LRP2: variants seen among roughly 807,000 people sequenced by gnomAD.
The protein encoded by LRP2 is LDL receptor related protein 2, also known as low-density lipoprotein receptor-related protein 2.
A neutral mutation model predicts 531.0 loss-of-function variants in LRP2; 172 were observed. That is an observed-to-expected ratio of 0.32 (90% CI 0.29 to 0.37). The LOEUF (loss-of-function observed/expected upper bound fraction) is 0.37, where lower values mean the gene tolerates loss of function less well. LRP2 is among the 10% of genes least tolerant of loss of function. The pLI is 1.00. For missense variants in LRP2, 5,167 were observed against 5,868.3 expected (o/e 0.88, Z 3.90); for synonymous variants, 1,992 against 2,027.6 (o/e 0.98, Z 0.47).
In LRP2 at chr2:169,185,935, C is replaced by A. The variant is rs35086590; in HGVS notation, c.9413G>T (p.Arg3138Leu). The change falls in exon 50 of 79, where the codon CGT (arginine) becomes CTT (leucine). Residue 3138 changes from arginine to leucine, a missense_variant. Arg to Leu is a moderately radical substitution (Grantham distance 102). Transcript: ENST00000649046. ...GTCAGACATGAGCTTGTAACCAGGA[C>A]GACAGGAACAATAGAAACTGGTTAA... ...DTLTSFYCSC[R>L]PGYKLMSDKR... The A allele has an allele frequency of 3.1e-6, 5 of 1,613,708 alleles. No individual in the cohort carries two copies. In the African/African-American group the frequency reaches 4.0e-5, roughly 13 times the overall value.
At chr2:169,303,574 TTGA>T (rs1391375337) in intron 4 of LRP2, among the ~76,000 whole-genome samples, 2 of 152,206 alleles carry the variant, frequency 1.3e-5, no homozygotes, top group African/African-American at 4.8e-5. Flanking sequence ...TCTAAGGACT[TTGA>T]TCGAGGCCAT....
At chr2:169,257,012 C>A in intron 18 of LRP2, 112 bp downstream of exon 18, 1 of 1,219,272 alleles carries the variant, frequency 8.2e-7, no homozygotes, top group Non-Finnish European at 1.2e-6. Context: ...TTTAAAATTC[C>A]GCGAGGGCAA....
chr2:169,193,002 A>G (rs1687882536), intron 47 of LRP2, among the ~76,000 whole-genome samples: 3 of 152,212 alleles, frequency 2.0e-5, no homozygotes, highest in South Asian at 4.1e-4. Context: ...TAAGATTTCC[A>G]TACCCTGTTG....
chr2:169,289,920 A>C (rs893480076), intron 8 of LRP2, among the ~76,000 whole-genome samples: 23 of 152,296 alleles, frequency 1.5e-4, no homozygotes, highest in African/African-American at 5.5e-4. Context: ...TGCCTGTTTA[A>C]ATATTATGTA....
intron 27 of LRP2, 50 bp from the exon 28 acceptor site, chr2:169,237,337 G>A (rs1296071478): frequency 3.1e-6 from 4 of 1,286,846 alleles, no homozygotes; most frequent in Admixed American, 1.7e-5. Flanking sequence ...ATAAATGAAT[G>A]CAAACATGGA....
At chr2:169,236,569 A>T (rs1238700918) in intron 28 of LRP2, among the ~76,000 whole-genome samples, 2 of 152,238 alleles carry the variant, frequency 1.3e-5, no homozygotes, top group Non-Finnish European at 2.9e-5. Flanking sequence ...AATCTAAGTT[A>T]TAAAATATAA....
At chr2:169,347,421 T>C (rs1685723421) in intron 1 of LRP2, among the ~76,000 whole-genome samples, 1 of 152,212 alleles carries the variant, frequency 6.6e-6, no homozygotes, top group Admixed American at 6.5e-5. Flanking sequence ...GTTCATTTTT[T>C]TCTTCAGTGA....
chr2:169,331,687 G>A (rs1685272179), intron 1 of LRP2, among the ~76,000 whole-genome samples: 1 of 152,152 alleles, frequency 6.6e-6, no homozygotes, highest in African/African-American at 2.4e-5. Flanking sequence ...TGCCTGCCCA[G>A]GTAAATAAGG....
At chr2:169,353,114 T>C (rs1685896509) in intron 1 of LRP2, among the ~76,000 whole-genome samples, 1 of 152,226 alleles carries the variant, frequency 6.6e-6, no homozygotes, top group Non-Finnish European at 1.5e-5. Flanking sequence ...TAAGAATCTC[T>C]ATACTTTTTT....
rs371966515 is a variant in LRP2 at position 169,259,196 on chromosome 2, T to C, written c.2342A>G (p.Asn781Ser). 218 of 1,613,034 alleles carry C rather than the reference T, an allele frequency of 1.4e-4. No individual in the cohort carries two copies. Among genetic ancestry groups the C allele is most frequent in the Non-Finnish European group, 1.8e-4 (215 of 1,179,388 alleles). ...DGTGREILAA[N>S]RVENVESLAF... The stretch of plus-strand genomic sequence containing the variant: ...CAAACTTTCAACATTTTCCACCCTG[T>C]TAGCTGCGAGAATTTCTCTTCCTAT... Residue 781 changes from asparagine (N) to serine (S), a missense_variant, in exon 17 of 79, where the codon AAC becomes AGC. By Grantham distance (46) the Asn-to-Ser change is conservative (BLOSUM62 1). This residue lies in a region of LRP2 where 2,811 missense variants were observed against 3,058.0 expected (regional missense o/e 0.92). Coordinates refer to ENST00000649046, the MANE Select transcript of LRP2 (RefSeq NM_004525.3).
At chr2:169,327,989 T>C (rs1189469058) in intron 1 of LRP2, among the ~76,000 whole-genome samples, 1 of 74,762 alleles carries the variant, frequency 1.3e-5, no homozygotes, top group Non-Finnish European at 2.6e-5. Context: ...GGTGGGGGGG[T>C]TAGCCCCACG....
chr2:169,171,934 C>T (rs1687018239), intron 58 of LRP2, 81 bp downstream of exon 58: 6 of 1,552,874 alleles, frequency 3.9e-6, no homozygotes, highest in Non-Finnish European at 5.3e-6. Flanking sequence ...GGATCAATGA[C>T]ATAGACAGTT....
At position 169,320,729 on chromosome 2, in the gene LRP2, C is replaced by G. The variant is rs368418806; in HGVS notation, c.187+48G>C. 6 of 1,428,852 alleles carry G rather than the reference C, an allele frequency of 4.2e-6. No individual in the cohort carries two copies. The South Asian group carries it at 6.9e-5, about 16-fold the overall frequency. The allele number at this position is 1,428,852 out of a possible 1,614,324, so 88.5% of individuals were successfully genotyped here. On this transcript the variant is annotated intron_variant, in intron 2 of 78. Coordinates refer to ENST00000649046, the MANE Select transcript of LRP2 (RefSeq NM_004525.3). ...TGTTACAGCTGAAATCACCAGGAAG[C>G]ACTTAGGTTACTCAAAATAGAACTT...
intron 67 of LRP2, among the ~76,000 whole-genome samples, chr2:169,151,933 T>C (rs555714079): frequency 6.6e-6 from 1 of 152,318 alleles, no homozygotes; most frequent in South Asian, 2.1e-4. Context: ...ACCAGCCACA[T>C]TTTTTAAAAG....
chr2:169,273,337 T>A (rs902113868), intron 14 of LRP2, among the ~76,000 whole-genome samples: 1 of 152,100 alleles, frequency 6.6e-6, no homozygotes, highest in African/African-American at 2.4e-5. Context: ...AATAATTATG[T>A]CAGAGTATGT....
chr2:169,200,583 A>G (rs950839361), intron 44 of LRP2, among the ~76,000 whole-genome samples: 5 of 152,236 alleles, frequency 3.3e-5, no homozygotes, highest in African/African-American at 9.6e-5. Context: ...CATCAAATAC[A>G]TGAAGATCAA....
intron 17 of LRP2, among the ~76,000 whole-genome samples, chr2:169,257,638 T>C (rs192284131): frequency 6.6e-6 from 1 of 152,168 alleles, no homozygotes; most frequent in African/African-American, 2.4e-5. Context: ...TCTTTCTCTC[T>C]AGATTAAACA....
chr2:169,162,179 T>C (rs771278901), intron 63 of LRP2, among the ~76,000 whole-genome samples: 5 of 152,236 alleles, frequency 3.3e-5, no homozygotes, highest in Non-Finnish European at 7.3e-5. Flanking sequence ...AACCTCTTAA[T>C]GACAGTAAGA....
chr2:169,159,543 T>C (rs1686496127), intron 63 of LRP2, among the ~76,000 whole-genome samples: 1 of 152,210 alleles, frequency 6.6e-6, no homozygotes, highest in Admixed American at 6.5e-5. Flanking sequence ...AACTGTACAT[T>C]GTTAAAACAT....
Sources: allele counts gnomAD v4.1 joint callset (sites outside exome capture counted in the v4.1 genomes callset), GRCh38; gene constraint gnomAD v4.1.1; regional missense constraint gnomAD v4.1.1; transcripts MANE v1.5; gene names NCBI Gene and HGNC (gene_info 2026-07-23, HGNC 2026-07-21).